CTNNA2: variants seen among roughly 807,000 people sequenced by gnomAD.
CTNNA2 encodes the protein catenin alpha 2, also known as catenin alpha-2.
Under a neutral mutation model 101.0 loss-of-function variants are expected in CTNNA2, and 42 were observed. The observed-to-expected ratio is 0.42, with a 90% CI of 0.32 to 0.54. The LOEUF is 0.54. Ranked by LOEUF, CTNNA2 falls within the 20% of genes least tolerant of loss-of-function variation. The pLI is 0.14. For missense variants in CTNNA2, 871 were observed against 1,223.1 expected (o/e 0.71, Z 4.29); for synonymous variants, 450 against 456.4 (o/e 0.99, Z 0.18).
rs1321421369 is a variant in CTNNA2, at chr2:80,589,488, G to A, written c.2189+3G>A. On this transcript the variant is annotated splice_donor_region_variant and intron_variant, in intron 15 of 18. Coordinates refer to ENST00000402739, the MANE Select transcript of CTNNA2 (RefSeq NM_001282597.3). ...ATGGAAATGACAGACTTCACAAGGT[G>A]AGGCCCAGAGCCAGGGAGCTGAAGA... The A allele has an allele frequency of 8.7e-6, 14 of 1,612,602 alleles. No homozygotes were observed. The highest frequency in any genetic ancestry group is 2.7e-5 in the African/African-American group (2 of 75,030).
intron 7 of CTNNA2, among the ~76,000 whole-genome samples, chr2:80,347,731 C>T (rs1231771296): frequency 6.6e-6 from 1 of 151,984 alleles, no homozygotes; most frequent in East Asian, 1.9e-4. Context: ...ATCAGAATAC[C>T]CTAGAAGCTT....
chr2:79,236,132 G>A (rs185549113), intron 2 of CTNNA2, among the ~76,000 whole-genome samples: 1 of 152,292 alleles, frequency 6.6e-6, no homozygotes, highest in Admixed American at 6.5e-5. Context: ...ACTACCAGGT[G>A]TGGCCTGCCT....
intron 1 of CTNNA2, among the ~76,000 whole-genome samples, chr2:79,536,788 A>AC (rs35250965): frequency 6.0e-5 from 9 of 150,696 alleles, no homozygotes; most frequent in African/African-American, 2.0e-4. Flanking sequence ...TGCAACCTCT[A>AC]CCCCCCGGGT....
chr2:79,226,815 G>T (rs1674416070), intron 2 of CTNNA2, among the ~76,000 whole-genome samples: 1 of 152,088 alleles, frequency 6.6e-6, no homozygotes, highest in Non-Finnish European at 1.5e-5. Context: ...ATATGATGAT[G>T]GTGGCAGAGC....
At chr2:80,508,624 C>T (rs913435060) in intron 9 of CTNNA2, among the ~76,000 whole-genome samples, 2 of 150,714 alleles carry the variant, frequency 1.3e-5, no homozygotes, top group Admixed American at 6.6e-5. Flanking sequence ...ACCATGTGTG[C>T]TAGGTCCTTT....
At chr2:79,823,985 G>A (rs947089795) in intron 3 of CTNNA2, among the ~76,000 whole-genome samples, 1 of 152,032 alleles carries the variant, frequency 6.6e-6, no homozygotes, top group Admixed American at 6.6e-5. Context: ...ACCTCTGTCT[G>A]TTTAGGGGGA....
chr2:80,282,005 T>C (rs1274785583), intron 7 of CTNNA2, among the ~76,000 whole-genome samples: 1 of 152,042 alleles, frequency 6.6e-6, no homozygotes, highest in Non-Finnish European at 1.5e-5. Flanking sequence ...GGCATTGTAG[T>C]AGGAAAAGCA....
chr2:79,963,908 T>C (rs956842517), intron 7 of CTNNA2, among the ~76,000 whole-genome samples: 2 of 152,240 alleles, frequency 1.3e-5, no homozygotes, highest in Admixed American at 6.5e-5. Context: ...GCCATGTTTC[T>C]ATTTCTGTAT....
chr2:80,212,655 T>C (rs1707976048), intron 7 of CTNNA2, among the ~76,000 whole-genome samples: 1 of 152,242 alleles, frequency 6.6e-6, no homozygotes, highest in African/African-American at 2.4e-5. Flanking sequence ...TCAATGTTCA[T>C]CAGGGATACT....
intron 15 of CTNNA2, among the ~76,000 whole-genome samples, chr2:80,603,056 T>A (rs1697693292): frequency 6.6e-6 from 1 of 152,024 alleles, no homozygotes; most frequent in East Asian, 1.9e-4. Context: ...TCTGAATAAA[T>A]CCCTTCTGAA....
At chr2:79,591,890 G>A (rs1363784291) in intron 1 of CTNNA2, among the ~76,000 whole-genome samples, 2 of 132,050 alleles carry the variant, frequency 1.5e-5, no homozygotes, top group Non-Finnish European at 3.2e-5. Flanking sequence ...TTTATCGGTT[G>A]TTTCTTTTGA....
At chr2:79,213,800 A>C (rs1674209071) in intron 2 of CTNNA2, among the ~76,000 whole-genome samples, 1 of 152,162 alleles carries the variant, frequency 6.6e-6, no homozygotes, top group African/African-American at 2.4e-5. Flanking sequence ...GGAGCCAGGA[A>C]GCAGAAAGTA....
intron 7 of CTNNA2, among the ~76,000 whole-genome samples, chr2:80,072,728 A>G (rs148048083): frequency 6.6e-6 from 1 of 152,272 alleles, no homozygotes; most frequent in East Asian, 1.9e-4. Flanking sequence ...TGGGCAATGC[A>G]AAAAGGGAAG....
intron 7 of CTNNA2, among the ~76,000 whole-genome samples, chr2:80,142,355 C>T (rs73940964): frequency 0.031 from 4,675 of 152,244 alleles, 232 homozygotes; most frequent in African/African-American, 0.1. Context: ...TCTCTCACTG[C>T]AGTCCCTATG....
At chr2:80,173,438 T>C (rs1705195785) in intron 7 of CTNNA2, among the ~76,000 whole-genome samples, 1 of 152,160 alleles carries the variant, frequency 6.6e-6, no homozygotes, top group African/African-American at 2.4e-5. Context: ...ATGCAATTCA[T>C]TTGAACAGAG....
chr2:80,098,393 A>T (rs535138605), intron 7 of CTNNA2, among the ~76,000 whole-genome samples: 1 of 152,240 alleles, frequency 6.6e-6, no homozygotes, highest in Admixed American at 6.5e-5. Flanking sequence ...GTACCCGGCC[A>T]TGTGAGGTGT....
At chr2:79,678,774 C>T (rs566728013) in intron 2 of CTNNA2, among the ~76,000 whole-genome samples, 158 of 152,228 alleles carry the variant, frequency 1.0e-3, no homozygotes, top group Admixed American at 0.01. Context: ...CTTGGAGTCT[C>T]GTTGAATAGC....
chr2:80,034,337 G>T (rs1050925292), intron 7 of CTNNA2, among the ~76,000 whole-genome samples: 2 of 146,160 alleles, frequency 1.4e-5, no homozygotes, highest in African/African-American at 2.5e-5. Flanking sequence ...GAAAAATGCT[G>T]AATTTCATTT....
chr2:80,303,663 C>G lies in CTNNA2; in HGVS notation c.1057-89548C>G. The G allele has an allele frequency of 6.2e-7, 1 of 1,612,292 alleles. No individual in the cohort carries two copies. The highest frequency in any genetic ancestry group is 8.5e-7 in the Non-Finnish European group (1 of 1,179,020). On this transcript the variant is annotated intron_variant, in intron 7 of 18. Coordinates refer to ENST00000402739, the MANE Select transcript of CTNNA2 (RefSeq NM_001282597.3). This position sits in a 1 kb window ranked among gnomAD's most constrained non-coding sequence, Gnocchi z 7.7. ...GGCGCCTCGGTGAGGTTGAGCGCCT[C>G]GCAGTACAGCAGCCGCCCCTCGCAC...
Sources: gnomAD v4.1 joint callset for allele counts (sites outside exome capture counted in the v4.1 genomes callset) on GRCh38, gnomAD v4.1.1 for gene constraint, Gnocchi (gnomAD v3.1) non-coding constraint, MANE v1.5 for transcripts, NCBI Gene and HGNC (gene_info 2026-07-23, HGNC 2026-07-21) for gene names.